Variants in DUSP13B observed in about 807,000 individuals in gnomAD.
The protein encoded by DUSP13B is dual specificity phosphatase 13B.
the DUSP13B span, chr10:75,097,984 G>T: frequency 9.2e-7 from 1 of 1,092,062 alleles, no homozygotes; most frequent in South Asian, 1.8e-5. Context: ...GTGCCACGGG[G>T]ATGCTGCAGG....
the DUSP13B span, chr10:75,102,036 C>T: frequency 1.2e-5 from 14 of 1,159,642 alleles, no homozygotes; most frequent in Non-Finnish European, 1.5e-5. Context: ...CCACTCCCAA[C>T]TTGTCCACTG....
chr10:75,107,810 C>T, the DUSP13B span, among the ~76,000 whole-genome samples: 2 of 152,292 alleles, frequency 1.3e-5, no homozygotes, highest in Admixed American at 6.5e-5. Context: ...CTCCTGACCT[C>T]AGGCGATCCA....
the DUSP13B span, among the ~76,000 whole-genome samples, chr10:75,098,337 A>G: frequency 6.6e-6 from 1 of 152,150 alleles, no homozygotes; most frequent in Admixed American, 6.5e-5. Flanking sequence ...TCCAGTACTC[A>G]TCCTCAGACC....
At chr10:75,098,800 T>C in the DUSP13B span, among the ~76,000 whole-genome samples, 1 of 152,182 alleles carries the variant, frequency 6.6e-6, no homozygotes, top group African/African-American at 2.4e-5. Flanking sequence ...TCGTGGGATA[T>C]CTGTTCCTAT....
At chr10:75,097,785 A>G in the DUSP13B span, 1 of 1,613,922 alleles carries the variant, frequency 6.2e-7, no homozygotes. Context: ...ACCCACAGCA[A>G]GCGCTGCAGC....
At chr10:75,105,164 A>G in the DUSP13B span, among the ~76,000 whole-genome samples, 2 of 152,054 alleles carry the variant, frequency 1.3e-5, no homozygotes, top group African/African-American at 2.4e-5. Flanking sequence ...CTAAGCCTGG[A>G]AAGTTTTCTC....
At chr10:75,097,500 G>A in the DUSP13B span, among the ~76,000 whole-genome samples, 33 of 152,300 alleles carry the variant, frequency 2.2e-4, 1 homozygote, top group South Asian at 5.8e-3. Flanking sequence ...GTGAGCCACC[G>A]CACCCGGCCC....
chr10:75,104,008 C>T, the DUSP13B span: 16 of 1,357,996 alleles, frequency 1.2e-5, no homozygotes, highest in Middle Eastern at 4.2e-4. Context: ...TCTGTGTGTC[C>T]GCCTGGGCCA....
the DUSP13B span, chr10:75,095,807 G>A: frequency 6.2e-7 from 1 of 1,613,324 alleles, no homozygotes; most frequent in Non-Finnish European, 8.5e-7. Context: ...TGGAGGAGAG[G>A]GCACAAGGGG....
At chr10:75,109,041 G>C in the DUSP13B span, 3 of 1,611,166 alleles carry the variant, frequency 1.9e-6, no homozygotes, top group South Asian at 2.2e-5. Flanking sequence ...GCCAAACTTC[G>C]TCCACACGGC....
At chr10:75,103,232 T>C in the DUSP13B span, among the ~76,000 whole-genome samples, 4 of 152,206 alleles carry the variant, frequency 2.6e-5, no homozygotes, top group African/African-American at 4.8e-5. Flanking sequence ...ACTGGTGGCA[T>C]TGCCAACAGC....
the DUSP13B span, among the ~76,000 whole-genome samples, chr10:75,105,161 T>C: frequency 2.6e-5 from 4 of 152,084 alleles, no homozygotes; most frequent in Admixed American, 2.6e-4. Context: ...TAGCTAAGCC[T>C]GGAAAGTTTT....
the DUSP13B span, chr10:75,097,894 G>C: frequency 4.4e-6 from 7 of 1,578,464 alleles, no homozygotes; most frequent in Non-Finnish European, 6.0e-6. Context: ...TCCTGGAACA[G>C]AGTGGACACC....
At chr10:75,098,164 G>C in the DUSP13B span, among the ~76,000 whole-genome samples, 1 of 152,190 alleles carries the variant, frequency 6.6e-6, no homozygotes, top group Non-Finnish European at 1.5e-5. Flanking sequence ...TGGCCAAGGG[G>C]CCCTTGGAGT....
At chr10:75,106,807 T>C in the DUSP13B span, among the ~76,000 whole-genome samples, 15 of 152,332 alleles carry the variant, frequency 9.8e-5, no homozygotes, top group South Asian at 2.1e-4. Context: ...AATGGATAAA[T>C]AGCAAAAGAA....
chr10:75,097,925 C>G, the DUSP13B span: 1 of 1,515,128 alleles, frequency 6.6e-7, no homozygotes, highest in Non-Finnish European at 8.9e-7. Context: ...GAGGCAGGCT[C>G]CCAGAGGGTG....
the DUSP13B span, among the ~76,000 whole-genome samples, chr10:75,103,255 C>T: frequency 1.0e-2 from 1,521 of 152,344 alleles, 28 homozygotes; most frequent in African/African-American, 0.035. Context: ...GACCCAGGTC[C>T]GGGGCCCTCA....
At chr10:75,108,111 A>T in the DUSP13B span, 1 of 1,613,818 alleles carries the variant, frequency 6.2e-7, no homozygotes, top group Admixed American at 1.7e-5. Flanking sequence ...GCTGCCGTAG[A>T]AGTCAGGGCC....
At chr10:75,102,400 G>C in the DUSP13B span, among the ~76,000 whole-genome samples, 3 of 152,008 alleles carry the variant, frequency 2.0e-5, no homozygotes, top group African/African-American at 7.2e-5. Flanking sequence ...CCGAGATCGC[G>C]CCACTGCACT....
Sources: allele counts gnomAD v4.1 joint callset (sites outside exome capture counted in the v4.1 genomes callset), GRCh38; gene constraint gnomAD v4.1.1; transcripts MANE v1.5; gene names NCBI Gene and HGNC (gene_info 2026-07-23, HGNC 2026-07-21).